Variants in INPP4A observed in about 807,000 individuals in gnomAD.
INPP4A encodes the protein inositol polyphosphate-4-phosphatase, type I, 107kD.
Under a neutral mutation model 119.8 loss-of-function variants are expected in INPP4A, and 33 were observed. That is an observed-to-expected ratio of 0.28 (90% CI 0.21 to 0.37). The LOEUF (loss-of-function observed/expected upper bound fraction) is 0.37, where lower values mean the gene tolerates loss of function less well. Among genes scored for constraint, INPP4A ranks in the 10% least tolerant of loss-of-function variants. The pLI is 1.00. For synonymous variants in INPP4A, 496 were observed against 500.7 expected (o/e 0.99, Z 0.12); for missense variants, 956 against 1,289.9 (o/e 0.74, Z 3.97).
intron 11 of INPP4A, among the ~76,000 whole-genome samples, chr2:98,545,404 A>G (rs1365532375): frequency 6.6e-6 from 1 of 152,204 alleles, no homozygotes; most frequent in Non-Finnish European, 1.5e-5. Context: ...AAACAGGGAA[A>G]CATTGTATTT....
chr2:98,471,830 T>C (rs1449162829), intron 1 of INPP4A, among the ~76,000 whole-genome samples: 1 of 152,222 alleles, frequency 6.6e-6, no homozygotes, highest in Admixed American at 6.5e-5. Flanking sequence ...AGTTCGGGAC[T>C]GTAGCTCTGA....
At position 98,565,874 on chromosome 2, in the gene INPP4A, GCT is replaced by G. The variant is rs1696339945; in HGVS notation, c.2279+111_2279+112del. On this transcript the variant is annotated intron_variant, in intron 20 of 24. Transcript: ENST00000409851. Reference sequence around the variant, plus strand: ...TTTATCCTATTTCATTTTGTTAAATGCTCTGATTACAGCCCCCTAGGTTAGTG... The same window carrying G: ...TTTATCCTATTTCATTTTGTTAAATGCTGATTACAGCCCCCTAGGTTAGTG... The G allele has an allele frequency of 3.3e-6, 5 of 1,532,640 alleles. No individual in the cohort carries two copies. The South Asian group carries it at 6.0e-5, about 18-fold the overall frequency. The allele number at this position is 1,532,640 out of a possible 1,614,324, so 94.9% of individuals were successfully genotyped here.
At position 98,552,802 on chromosome 2, in the gene INPP4A, C is replaced by G. The variant is rs1693771026; in HGVS notation, c.1180C>G (p.Gln394Glu). The G allele has an allele frequency of 6.2e-7, 1 of 1,612,878 alleles. No homozygotes were observed. The highest frequency in any genetic ancestry group is 1.7e-5 in the Admixed American group (1 of 60,002). ...CCTTTCCAGTACATCATCTGGCTGC[C>G]AGTCCATAATCTACATACCCCAGGA... ...ETKKHTSSGCQSIIYIPQDVV... is the reference protein window; with the variant it reads ...ETKKHTSSGCESIIYIPQDVV... Residue 394 changes from glutamine (Q) to glutamate (E), a missense_variant, in exon 14 of 25, where the codon CAG (glutamine) becomes GAG (glutamate). By Grantham distance (29) the Gln-to-Glu change is conservative. Around this residue, in one of 2 missense-constraint regions of INPP4A, gnomAD observed 652 missense variants for 797.9 expected, o/e 0.82. Coordinates refer to ENST00000409851, the MANE Select transcript of INPP4A (RefSeq NM_001134225.2).
At chr2:98,486,621 G>A (rs544723218) in intron 1 of INPP4A, among the ~76,000 whole-genome samples, 6 of 152,184 alleles carry the variant, frequency 3.9e-5, no homozygotes, top group Admixed American at 6.5e-5. Flanking sequence ...AGCTTTTAGG[G>A]TGTGGGGCTG....
intron 1 of INPP4A, among the ~76,000 whole-genome samples, chr2:98,471,387 G>C (rs1053045124): frequency 2.0e-5 from 3 of 152,240 alleles, no homozygotes; most frequent in Admixed American, 2.0e-4. Flanking sequence ...GCTATCAGGA[G>C]AGAATGTGGA....
chr2:98,482,346 C>T (rs1158036318), intron 1 of INPP4A, among the ~76,000 whole-genome samples: 1 of 152,218 alleles, frequency 6.6e-6, no homozygotes, highest in African/African-American at 2.4e-5. Flanking sequence ...CTATCTTGGC[C>T]AGCTGTGGTT....
Position 98,532,646 on chromosome 2 carries a change from C to T in INPP4A, c.152-731C>T, listed in dbSNP as rs1574949757. ...GTTATTCCTAGGCTACCAACCTGGACAGCTACTGTACTAAATATTATAGGC... is the reference window on the plus strand; with the variant it reads ...GTTATTCCTAGGCTACCAACCTGGATAGCTACTGTACTAAATATTATAGGC... On this transcript the variant is annotated intron_variant, in intron 4 of 24. Transcript: ENST00000409851. Among the ~76,000 whole-genome samples, 4 of 152,260 alleles carry T rather than the reference C, an allele frequency of 2.6e-5. No homozygotes were observed. The South Asian group carries it at 6.2e-4, about 24-fold the overall frequency.
At chr2:98,450,842 G>A (rs1695098604) in intron 1 of INPP4A, among the ~76,000 whole-genome samples, 1 of 152,090 alleles carries the variant, frequency 6.6e-6, no homozygotes, top group Non-Finnish European at 1.5e-5. Flanking sequence ...TGCAACCTCG[G>A]CTCACTGCAA....
At chr2:98,453,522 GT>G (rs1695574972) in intron 1 of INPP4A, among the ~76,000 whole-genome samples, 1 of 152,102 alleles carries the variant, frequency 6.6e-6, no homozygotes, top group Non-Finnish European at 1.5e-5. Flanking sequence ...TGGTAAAGAT[GT>G]GTCAAACCCT....
intron 16 of INPP4A, among the ~76,000 whole-genome samples, chr2:98,557,601 C>T (rs887205439): frequency 1.3e-5 from 2 of 152,246 alleles, no homozygotes; most frequent in Non-Finnish European, 2.9e-5. Flanking sequence ...TAACTCTGTA[C>T]TGCTCTGAAA....
Position 98,546,724 on chromosome 2 carries a change from T to C in INPP4A, c.1163+30T>C. 1 of 1,299,856 alleles carries C rather than the reference T, an allele frequency of 7.7e-7. No homozygotes were observed. The highest frequency in any genetic ancestry group is 1.1e-6 in the Non-Finnish European group (1 of 897,084). The allele number at this position is 1,299,856 out of a possible 1,614,324, so 80.5% of individuals were successfully genotyped here. A position where few individuals can be genotyped will look rare whatever the true frequency, so the allele number is the denominator to read the frequency against. On this transcript the variant is annotated intron_variant, in intron 13 of 24. Coordinates refer to ENST00000409851, the MANE Select transcript of INPP4A (RefSeq NM_001134225.2). The surrounding 1 kb of genome is among the most constrained non-coding windows in gnomAD (Gnocchi z 4.2). ...GTAGCCAGAGAGGGTTTGTGGTCCT[T>C]GTACAGCTTTCTGATGCTTCTTTTC...
intron 1 of INPP4A, among the ~76,000 whole-genome samples, chr2:98,469,003 G>C (rs932808884): frequency 4.6e-5 from 7 of 152,132 alleles, no homozygotes; most frequent in Non-Finnish European, 8.8e-5. Flanking sequence ...AGGGGAACTG[G>C]AATAGTGTTG....
intron 11 of INPP4A, among the ~76,000 whole-genome samples, chr2:98,545,689 G>A (rs571165879): frequency 4.6e-4 from 70 of 152,238 alleles, no homozygotes; most frequent in African/African-American, 1.5e-3. Flanking sequence ...CACGGAAGGC[G>A]CAGCATCGTT....
At chr2:98,560,872 G>C (rs2106300945) in intron 17 of INPP4A, among the ~76,000 whole-genome samples, 1 of 152,314 alleles carries the variant, frequency 6.6e-6, no homozygotes, top group South Asian at 2.1e-4. Flanking sequence ...AGAACTAATG[G>C]GAAGTCTCAT....
intron 24 of INPP4A, among the ~76,000 whole-genome samples, chr2:98,580,355 T>C (rs1480500947): frequency 6.6e-6 from 1 of 152,172 alleles, no homozygotes; most frequent in East Asian, 1.9e-4. Context: ...ACCAGCTCTC[T>C]CCCCAAAAGC....
intron 1 of INPP4A, among the ~76,000 whole-genome samples, chr2:98,469,323 C>G (rs998247325): frequency 6.6e-6 from 1 of 151,988 alleles, no homozygotes; most frequent in African/African-American, 2.4e-5. Context: ...ATGGTGAAAC[C>G]CCATCTCTAC....
intron 1 of INPP4A, among the ~76,000 whole-genome samples, chr2:98,481,559 A>G (rs1678474444): frequency 6.6e-6 from 1 of 152,186 alleles, no homozygotes; most frequent in African/African-American, 2.4e-5. Context: ...TTAGATATAA[A>G]GATTCAGTGA....
intron 1 of INPP4A, among the ~76,000 whole-genome samples, chr2:98,472,668 G>C (rs756517518): frequency 9.9e-5 from 15 of 152,256 alleles, no homozygotes; most frequent in Admixed American, 1.3e-4. Context: ...CTGAGGGTCT[G>C]TGGTGGGTCT....
intron 13 of INPP4A, among the ~76,000 whole-genome samples, chr2:98,551,161 G>A (rs1394986712): frequency 6.6e-6 from 1 of 152,150 alleles, no homozygotes; most frequent in Non-Finnish European, 1.5e-5. Flanking sequence ...TCACGATGTT[G>A]CCCAGGCTGA....
Sources: allele counts gnomAD v4.1 joint callset (sites outside exome capture counted in the v4.1 genomes callset), GRCh38; gene constraint gnomAD v4.1.1; regional missense constraint gnomAD v4.1.1; non-coding constraint Gnocchi (gnomAD v3.1); transcripts MANE v1.5; gene names NCBI Gene and HGNC (gene_info 2026-07-23, HGNC 2026-07-21).